The following THSD4 variants were observed in gnomAD, a reference collection of about 807,000 sequenced individuals.
The protein encoded by THSD4 is thrombospondin type-1 domain-containing protein 4.
In THSD4, 69 loss-of-function variants were observed where a neutral mutation model predicts 119.0. The observed-to-expected ratio is 0.58, with a 90% CI of 0.48 to 0.71. The LOEUF (loss-of-function observed/expected upper bound fraction) is 0.71, where lower values mean the gene tolerates loss of function less well. THSD4 is among the 30% of genes least tolerant of loss of function. The pLI, the probability that THSD4 is intolerant of heterozygous loss-of-function variation, is 0.00. For missense variants in THSD4, 1,393 were observed against 1,391.1 expected, an observed-to-expected ratio of 1.00 and a Z score of -0.02; for synonymous variants, 524 against 540.4, an observed-to-expected ratio of 0.97 and a Z score of 0.42.
chr15:71,141,261 T>A (rs536224748), intron 1 of THSD4, among the ~76,000 whole-genome samples, 188 bp from the exon 2 acceptor site: 1 of 152,348 alleles, frequency 6.6e-6, no homozygotes, highest in East Asian at 1.9e-4. Context: ...CTGTGCTGGT[T>A]GTCTTGTAAA....
intron 7 of THSD4, among the ~76,000 whole-genome samples, chr15:71,430,775 A>G (rs1232586011): frequency 1.4e-5 from 2 of 147,964 alleles, no homozygotes; most frequent in Admixed American, 1.4e-4. Context: ...AAAAAAAAAA[A>G]AAAAAAAAGA....
chr15:71,172,682 CATATATATATAT>C (rs71152331), intron 3 of THSD4, among the ~76,000 whole-genome samples: 677 of 24,164 alleles, frequency 0.028, 9 homozygotes, highest in Admixed American at 0.063. Context: ...TAGACCTATA[CATATATATATAT>C]ATATATATAT....
intron 7 of THSD4, among the ~76,000 whole-genome samples, chr15:71,566,229 TG>T (rs1009614372): frequency 1.2e-4 from 18 of 151,432 alleles, no homozygotes; most frequent in African/African-American, 4.4e-4. Context: ...TAACAATGCG[TG>T]GTTTGGAGGT....
At position 71,746,984 on chromosome 15, in the gene THSD4, C is replaced by T. The variant is rs1162366445; in HGVS notation, c.2183C>T (p.Thr728Ile). 1.2e-6 allele frequency: 2 copies of T among 1,613,404 alleles called. No individual in the cohort carries two copies. Among genetic ancestry groups the T allele is most frequent in the African/African-American group, 2.7e-5 (2 of 74,910 alleles). ...RCQHLEKPET[T>I]STCQLKICSE... The stretch of plus-strand genomic sequence containing the variant: ...CAGCACCTGGAGAAACCTGAGACCA[C>T]CAGCACCTGCCAACTCAAGATCTGC... The change falls in exon 13 of 18, where the codon ACC (threonine) becomes ATC (isoleucine). Residue 728 changes from threonine to isoleucine, a missense_variant. By Grantham distance (89) the Thr-to-Ile change is moderately conservative. Coordinates refer to ENST00000261862, the MANE Select transcript of THSD4 (RefSeq NM_024817.3).
intron 14 of THSD4, among the ~76,000 whole-genome samples, chr15:71,756,132 G>T (rs1255619848): frequency 1.3e-5 from 2 of 152,168 alleles, no homozygotes; most frequent in Non-Finnish European, 2.9e-5. Context: ...AACTTCAGAG[G>T]GAATTTTTAG....
intron 7 of THSD4, among the ~76,000 whole-genome samples, chr15:71,597,745 G>A (rs1029556942): frequency 2.0e-5 from 3 of 152,150 alleles, no homozygotes; most frequent in African/African-American, 7.2e-5. Flanking sequence ...TATGTGAGAA[G>A]TGTCTCTTCC....
At chr15:71,581,787 TG>T (rs1700140287) in intron 7 of THSD4, among the ~76,000 whole-genome samples, 1 of 152,176 alleles carries the variant, frequency 6.6e-6, no homozygotes, top group South Asian at 2.1e-4. Context: ...CTCCATTGTG[TG>T]TTCTTGGCAC....
chr15:71,357,659 C>T (rs2045837308), intron 6 of THSD4, among the ~76,000 whole-genome samples: 1 of 152,152 alleles, frequency 6.6e-6, no homozygotes, highest in Non-Finnish European at 1.5e-5. Context: ...CAGAATCCAG[C>T]AACCGGAGTC....
intron 6 of THSD4, among the ~76,000 whole-genome samples, chr15:71,302,917 A>G (rs928880988): frequency 6.6e-6 from 1 of 152,028 alleles, no homozygotes; most frequent in Non-Finnish European, 1.5e-5. Flanking sequence ...AGGGTCTTGC[A>G]GTCATCTACA....
rs187282729 is a variant in THSD4, at chr15:71,116,751, T to C, written c.-80+1053T>C. ...CACAGTTGGAGGCACCCAGGACCCC[T>C]GACAGTCTGAAGATTTTTCAAGGAT... On this transcript the variant is annotated intron_variant, in intron 1 of 17. Coordinates refer to ENST00000261862, the MANE Select transcript of THSD4 (RefSeq NM_024817.3). Among the ~76,000 whole-genome samples, 701 of 152,150 alleles carry C rather than the reference T, an allele frequency of 4.6e-3. 2 individuals carry two copies. The highest frequency in any genetic ancestry group is 0.017 in the African/African-American group (687 of 41,534).
chr15:71,111,823 G>C (rs1257337973), upstream of THSD4: 1 of 524,052 alleles, frequency 1.9e-6, no homozygotes, highest in East Asian at 3.0e-5. Context: ...GAAAACACGA[G>C]GTTTGTAAGA....
intron 3 of THSD4, among the ~76,000 whole-genome samples, chr15:71,214,194 A>G (rs541113270): frequency 1.3e-5 from 2 of 152,334 alleles, no homozygotes; most frequent in African/African-American, 4.8e-5. Context: ...AAAATGGACC[A>G]ATCAGCAGGA....
chr15:71,563,016 G>T (rs967334368), intron 7 of THSD4, among the ~76,000 whole-genome samples: 1 of 152,126 alleles, frequency 6.6e-6, no homozygotes, highest in African/African-American at 2.4e-5. Context: ...ATAACATCAA[G>T]TCTCAGATCT....
intron 7 of THSD4, among the ~76,000 whole-genome samples, chr15:71,577,946 C>G (rs1170691243): frequency 6.6e-6 from 1 of 150,894 alleles, no homozygotes; most frequent in East Asian, 1.9e-4. Context: ...TGGGCTCAAA[C>G]TCCTGTCCTC....
chr15:71,107,686 C>G (rs575046310), intron 1 of THSD4, among the ~76,000 whole-genome samples: 2 of 152,272 alleles, frequency 1.3e-5, no homozygotes, highest in South Asian at 4.1e-4. Context: ...GGAATGTTCC[C>G]GTGACAACGG....
At chr15:71,668,874 TA>T (rs1186714666) in intron 8 of THSD4, among the ~76,000 whole-genome samples, 1 of 152,236 alleles carries the variant, frequency 6.6e-6, no homozygotes, top group African/African-American at 2.4e-5. Flanking sequence ...AGGCCCAAGA[TA>T]AATAACTGGA....
chr15:71,212,366 G>A (rs1420557012), intron 3 of THSD4, among the ~76,000 whole-genome samples: 1 of 152,168 alleles, frequency 6.6e-6, no homozygotes, highest in East Asian at 1.9e-4. Context: ...GTGGCTTCAT[G>A]TTTTCTTCCC....
intron 7 of THSD4, among the ~76,000 whole-genome samples, chr15:71,632,936 C>T (rs1347256354): frequency 6.6e-6 from 1 of 152,200 alleles, no homozygotes; most frequent in Non-Finnish European, 1.5e-5. Context: ...ATTGCTGTAA[C>T]AAGTCTCCTA....
chr15:71,375,057 C>G (rs572972520), intron 6 of THSD4, among the ~76,000 whole-genome samples: 8 of 152,198 alleles, frequency 5.3e-5, no homozygotes, highest in Middle Eastern at 3.2e-3. Flanking sequence ...CTCACACTCC[C>G]TTTTCCCCAT....
Sources: allele counts gnomAD v4.1 joint callset (sites outside exome capture counted in the v4.1 genomes callset), GRCh38; gene constraint gnomAD v4.1.1; transcripts MANE v1.5; gene names NCBI Gene and HGNC (gene_info 2026-07-23, HGNC 2026-07-21).